NUBPL: variants seen among roughly 807,000 people sequenced by gnomAD.
NUBPL encodes the protein iron-sulfur cluster transfer protein NUBPL.
NUBPL carries 31 observed loss-of-function variants against 45.7 expected under a neutral mutation model. The observed-to-expected ratio is 0.68, with a 90% CI of 0.51 to 0.92. NUBPL has a LOEUF of 0.92. NUBPL is among the 40% of genes least tolerant of loss of function. The pLI, the probability that NUBPL is intolerant of heterozygous loss-of-function variation, is 0.00. For missense variants in NUBPL, 401 were observed against 398.7 expected (o/e 1.01, Z -0.05); for synonymous variants, 144 against 140.9 (o/e 1.02, Z -0.15).
chr14:31,618,955 A>G lies in NUBPL; in HGVS notation c.382+19576A>G, dbSNP rs149030486. On this transcript the variant is annotated intron_variant, in intron 4 of 10. Transcript: ENST00000281081. ...TTGTATGTCTCTAAGAACTTGCTTT[A>G]CGAATCTGGGTGCTCCTGTATTGGG... is the stretch of plus-strand genomic sequence containing the variant. Among the ~76,000 whole-genome samples the G allele has an allele frequency of 6.5e-3, 988 of 152,290 alleles. 11 individuals carry two copies. The highest frequency in any genetic ancestry group is 0.022 in the African/African-American group (925 of 41,556).
chr14:31,841,917 C>CTTTTGTTTTTTTTTTTTTTTTTTTT lies in NUBPL; in HGVS notation c.694-4550_694-4549insGTTTTTTTTTTTTTTTTTTTTTTTT. Among the ~76,000 whole-genome samples the CTTTTGTTTTTTTTTTTTTTTTTTTT allele has an allele frequency of 5.7e-3, 244 of 43,046 alleles. 38 individuals carry two copies. The highest frequency in any genetic ancestry group is 0.021 in the Middle Eastern group (1 of 48). The allele number at this position is 43,046 out of a possible 152,430, so 28.2% of individuals were successfully genotyped here. On this transcript the variant is annotated intron_variant, in intron 8 of 10. Coordinates refer to ENST00000281081, the MANE Select transcript of NUBPL (RefSeq NM_025152.3). ...CTTTCATGTATGGGTCGATTCTGGG[C>CTTTTGTTTTTTTTTTTTTTTTTTTT]TTTTTTTTTTTTTTTTTTTTTTTTT...
chr14:31,729,055 C>T (rs534062833), intron 6 of NUBPL, among the ~76,000 whole-genome samples: 220 of 152,060 alleles, frequency 1.4e-3, no homozygotes, highest in African/African-American at 4.5e-3. Context: ...CTGAGGTGGG[C>T]GGATCACTTG....
intron 6 of NUBPL, among the ~76,000 whole-genome samples, chr14:31,687,393 A>T (rs2036978235): frequency 6.6e-6 from 1 of 152,250 alleles, no homozygotes; most frequent in Non-Finnish European, 1.5e-5. Flanking sequence ...AGTATACACA[A>T]ATCTATTATA....
chr14:31,782,938 T>C (rs1400581822), intron 6 of NUBPL, among the ~76,000 whole-genome samples: 2 of 152,356 alleles, frequency 1.3e-5, no homozygotes, highest in Admixed American at 6.5e-5. Context: ...ATTTAGTCTT[T>C]CTATTAAATT....
At chr14:31,810,087 T>C (rs1269139031) in intron 7 of NUBPL, among the ~76,000 whole-genome samples, 1 of 152,216 alleles carries the variant, frequency 6.6e-6, no homozygotes, top group Non-Finnish European at 1.5e-5. Flanking sequence ...GAAGAATGTA[T>C]ATTCTGTTGA....
chr14:31,738,845 C>G (rs1345663235), intron 6 of NUBPL, among the ~76,000 whole-genome samples: 1 of 151,968 alleles, frequency 6.6e-6, no homozygotes, highest in Non-Finnish European at 1.5e-5. Context: ...TATATCCATT[C>G]CCTGTTTCAT....
intron 6 of NUBPL, among the ~76,000 whole-genome samples, chr14:31,694,032 T>G (rs942643343): frequency 2.6e-5 from 4 of 151,774 alleles, no homozygotes; most frequent in African/African-American, 9.7e-5. Context: ...ATTTTTTGTA[T>G]TTTTAGTAGA....
At chr14:31,563,730 T>C (rs752534186) in intron 2 of NUBPL, among the ~76,000 whole-genome samples, 27 of 152,234 alleles carry the variant, frequency 1.8e-4, no homozygotes, top group Non-Finnish European at 3.1e-4. Context: ...GCTCAGTGAT[T>C]CTATTGTTTA....
chr14:31,777,162 GTA>G (rs1248110661), intron 6 of NUBPL, among the ~76,000 whole-genome samples: 4 of 152,158 alleles, frequency 2.6e-5, no homozygotes, highest in Non-Finnish European at 5.9e-5. Context: ...TGTATAACTT[GTA>G]GTCAGCAAAT....
intron 7 of NUBPL, among the ~76,000 whole-genome samples, chr14:31,814,167 C>T (rs916258604): frequency 6.6e-6 from 1 of 152,204 alleles, no homozygotes; most frequent in African/African-American, 2.4e-5. Context: ...AAAAGCATTC[C>T]TATTTCTCCA....
At chr14:31,586,070 C>T (rs1595321042) in intron 3 of NUBPL, among the ~76,000 whole-genome samples, 1 of 151,960 alleles carries the variant, frequency 6.6e-6, no homozygotes, top group African/African-American at 2.4e-5. Flanking sequence ...AGGTTTTTTC[C>T]CCTTTAAACA....
chr14:31,705,451 T>A (rs1269807917), intron 6 of NUBPL, among the ~76,000 whole-genome samples: 1 of 152,132 alleles, frequency 6.6e-6, no homozygotes, highest in East Asian at 1.9e-4. Flanking sequence ...AGCTGATTGG[T>A]CCATTTTATA....
At chr14:31,594,066 A>G (rs1467734359) in intron 3 of NUBPL, among the ~76,000 whole-genome samples, 2 of 152,166 alleles carry the variant, frequency 1.3e-5, no homozygotes, top group Middle Eastern at 3.2e-3. Context: ...ACTAAAAATT[A>G]GAAGACTAAG....
chr14:31,609,899 C>T (rs993202694), intron 4 of NUBPL, among the ~76,000 whole-genome samples: 3 of 151,552 alleles, frequency 2.0e-5, no homozygotes, highest in African/African-American at 7.3e-5. Flanking sequence ...CATACCAAAC[C>T]CTGTGGGATA....
intron 6 of NUBPL, among the ~76,000 whole-genome samples, chr14:31,674,875 G>A (rs983495381): frequency 1.3e-5 from 2 of 152,124 alleles, no homozygotes; most frequent in Non-Finnish European, 2.9e-5. Flanking sequence ...GGTGGCTCAC[G>A]CCTGTAATCC....
chr14:31,574,582 CTTTTTTT>C (rs71115022), intron 3 of NUBPL, among the ~76,000 whole-genome samples: 13 of 66,950 alleles, frequency 1.9e-4, no homozygotes, highest in South Asian at 1.2e-3. Flanking sequence ...TTCTTTCCTT[CTTTTTTT>C]TTTTTTTTTT....
At chr14:31,804,706 A>T (rs534248017) in intron 7 of NUBPL, among the ~76,000 whole-genome samples, 1 of 152,180 alleles carries the variant, frequency 6.6e-6, no homozygotes. Context: ...TATTTAATCA[A>T]TGTTGCTGGG....
At chr14:31,572,528 A>G (rs892314515) in intron 3 of NUBPL, among the ~76,000 whole-genome samples, 2 of 152,216 alleles carry the variant, frequency 1.3e-5, no homozygotes, top group Non-Finnish European at 2.9e-5. Flanking sequence ...TAGAAAATAC[A>G]TGGTAAATGT....
intron 3 of NUBPL, chr14:31,578,142 T>C (rs1353097355): frequency 2.0e-6 from 1 of 488,688 alleles, no homozygotes; most frequent in African/African-American, 2.0e-5. Context: ...TTGGGAGAAC[T>C]ATGCTTAGAG....
Sources: gnomAD v4.1 joint callset for allele counts (sites outside exome capture counted in the v4.1 genomes callset) on GRCh38, gnomAD v4.1.1 for gene constraint, MANE v1.5 for transcripts, NCBI Gene and HGNC (gene_info 2026-07-23, HGNC 2026-07-21) for gene names.